Variants in ZNF423 observed in about 807,000 individuals in gnomAD.
The protein encoded by ZNF423 is Ebf-associated zinc finger protein.
Under a neutral mutation model 95.8 loss-of-function variants are expected in ZNF423, and 12 were observed. That is an observed-to-expected ratio of 0.13 (90% confidence interval 0.08 to 0.20). ZNF423 has a LOEUF of 0.20. ZNF423 is among the 10% of genes least tolerant of loss of function. ZNF423 has a pLI of 1.00. For synonymous variants in ZNF423, 749 were observed against 711.9 expected (o/e 1.05, Z -0.83); for missense variants, 1,316 against 1,737.1 (o/e 0.76, Z 4.31).
At chr16:49,854,983 G>A (rs2035343558) in intron 1 of ZNF423, 1 of 984,816 alleles carries the variant, frequency 1.0e-6, no homozygotes, top group African/African-American at 1.7e-5. Context: ...CTCCGCGGAG[G>A]GGCGCGCACC....
intron 5 of ZNF423, among the ~76,000 whole-genome samples, chr16:49,617,274 A>T (rs573350980): frequency 3.9e-5 from 6 of 152,184 alleles, no homozygotes; most frequent in African/African-American, 1.4e-4. Flanking sequence ...GAGGCTCTGA[A>T]GCCCACTGGG....
intron 3 of ZNF423, among the ~76,000 whole-genome samples, chr16:49,708,730 C>G (rs933575205): frequency 6.6e-6 from 1 of 152,154 alleles, no homozygotes; most frequent in African/African-American, 2.4e-5. Flanking sequence ...CCCCTAGAAG[C>G]ACTTGCGGAG....
chr16:49,807,048 C>T (rs924599057), intron 1 of ZNF423, among the ~76,000 whole-genome samples: 6 of 150,400 alleles, frequency 4.0e-5, no homozygotes, highest in Non-Finnish European at 7.4e-5. Flanking sequence ...AAAAAGTGCA[C>T]AGCATAAAAT....
intron 1 of ZNF423, among the ~76,000 whole-genome samples, chr16:49,831,264 ATCTT>A (rs2035058060): frequency 6.6e-6 from 1 of 152,128 alleles, no homozygotes; most frequent in Admixed American, 6.5e-5. Context: ...CTACAGTGAA[ATCTT>A]TCTTTATTCA....
chr16:49,743,738 C>T (rs1180712419), intron 2 of ZNF423, among the ~76,000 whole-genome samples: 4 of 152,012 alleles, frequency 2.6e-5, no homozygotes, highest in African/African-American at 4.8e-5. Context: ...GATCCTCCTA[C>T]CAACGAGCCT....
intron 5 of ZNF423, among the ~76,000 whole-genome samples, chr16:49,574,814 C>T (rs1371937940): frequency 1.3e-5 from 2 of 152,222 alleles, no homozygotes; most frequent in Non-Finnish European, 2.9e-5. Context: ...GCTGCCTGCC[C>T]CTGCTGCCCT....
chr16:49,535,747 A>G (rs1375661783), intron 5 of ZNF423, among the ~76,000 whole-genome samples: 1 of 152,188 alleles, frequency 6.6e-6, no homozygotes, highest in Non-Finnish European at 1.5e-5. Flanking sequence ...GAAAATGAAG[A>G]TTCCACTACA....
intron 3 of ZNF423, among the ~76,000 whole-genome samples, chr16:49,655,664 C>G (rs1431336842): frequency 2.0e-5 from 3 of 152,166 alleles, no homozygotes; most frequent in African/African-American, 7.2e-5. Flanking sequence ...CCAGCTTTTC[C>G]TCCACTTTTG....
At chr16:49,751,044 T>C (rs1389575797) in intron 2 of ZNF423, among the ~76,000 whole-genome samples, 1 of 152,172 alleles carries the variant, frequency 6.6e-6, no homozygotes, top group African/African-American at 2.4e-5. Context: ...CATCAAATCC[T>C]GAAATCAGAA....
intron 4 of ZNF423, among the ~76,000 whole-genome samples, chr16:49,629,035 G>C (rs1972405474): frequency 6.6e-6 from 1 of 152,132 alleles, no homozygotes; most frequent in South Asian, 2.1e-4. Flanking sequence ...CTGGAAAAGG[G>C]AGCAGGACTT....
intron 5 of ZNF423, among the ~76,000 whole-genome samples, chr16:49,527,826 C>A (rs1036156121): frequency 1.3e-5 from 2 of 152,114 alleles, no homozygotes; most frequent in African/African-American, 4.8e-5. Flanking sequence ...CGCCATCGTA[C>A]ACCACCGCCA....
chr16:49,491,196 T>C lies in ZNF423; in HGVS notation c.*79A>G. 2.6e-6 allele frequency: 4 copies of C among 1,564,820 alleles called. No individual in the cohort carries two copies. Among genetic ancestry groups the C allele is most frequent in the Non-Finnish European group, 3.5e-6 (4 of 1,135,956 alleles). ...TCTGGGTTGCAAATGACACTTTGAT[T>C]GGATGTAATGTTCAAATGGCCCTCC... On this transcript the variant is annotated 3_prime_UTR_variant, in exon 8 of 8. Transcript: ENST00000563137.
chr16:49,594,140 T>C (rs1971108260), intron 5 of ZNF423, among the ~76,000 whole-genome samples: 4 of 152,230 alleles, frequency 2.6e-5, no homozygotes, highest in South Asian at 2.1e-4. Flanking sequence ...TGGGGACATA[T>C]CTGGATTAAG....
At chr16:49,649,247 G>A (rs900935553) in intron 3 of ZNF423, among the ~76,000 whole-genome samples, 6 of 152,202 alleles carry the variant, frequency 3.9e-5, no homozygotes, top group Admixed American at 2.6e-4. Context: ...TACTGGACCA[G>A]GTTCAGATTC....
At chr16:49,646,584 T>TTTTTTTTTTTTTTTTTTTTTTTTG (rs1973181937) in intron 3 of ZNF423, among the ~76,000 whole-genome samples, 1 of 147,496 alleles carries the variant, frequency 6.8e-6, no homozygotes, top group South Asian at 2.2e-4. Flanking sequence ...CTTTTTTTTT[T>TTTTTTTTTTTTTTTTTTTTTTTTG]TTTTGAGAAG....
intron 3 of ZNF423, among the ~76,000 whole-genome samples, chr16:49,659,475 C>T (rs966254045): frequency 3.3e-5 from 5 of 152,222 alleles, no homozygotes; most frequent in African/African-American, 1.2e-4. Flanking sequence ...TTGTACACAT[C>T]GGGATACTGA....
intron 3 of ZNF423, among the ~76,000 whole-genome samples, chr16:49,670,395 T>C (rs2030753076): frequency 1.3e-5 from 2 of 152,176 alleles, no homozygotes; most frequent in African/African-American, 4.8e-5. Context: ...GTGTCCCAGC[T>C]CAGCAGGCTG....
intron 1 of ZNF423, among the ~76,000 whole-genome samples, chr16:49,830,859 C>T (rs1279788502): frequency 6.6e-6 from 1 of 152,132 alleles, no homozygotes; most frequent in Non-Finnish European, 1.5e-5. Flanking sequence ...GATCTCACAG[C>T]CCCTCATGCT....
intron 2 of ZNF423, among the ~76,000 whole-genome samples, chr16:49,741,460 T>C (rs1039288219): frequency 2.0e-5 from 3 of 151,826 alleles, no homozygotes; most frequent in East Asian, 3.9e-4. Flanking sequence ...TAAGCCAAGA[T>C]TGCACCACTG....
Sources: gnomAD v4.1 joint callset for allele counts (sites outside exome capture counted in the v4.1 genomes callset) on GRCh38, gnomAD v4.1.1 for gene constraint, MANE v1.5 for transcripts, NCBI Gene and HGNC (gene_info 2026-07-23, HGNC 2026-07-21) for gene names.